NAA25: variants seen among roughly 807,000 people sequenced by gnomAD.
NAA25 encodes the protein N-alpha-acetyltransferase 25, NatB auxiliary subunit, also known as N-terminal acetyltransferase B complex subunit NAA25.
NAA25 carries 30 observed loss-of-function variants against 132.5 expected under a neutral mutation model. That is an observed-to-expected ratio of 0.23 (90% CI 0.17 to 0.31). The LOEUF is 0.31. Among genes scored for constraint, NAA25 ranks in the 10% least tolerant of loss-of-function variants. The probability of loss-of-function intolerance (pLI) is 1.00; values close to 1 mark genes in which losing one functional copy is unlikely to be tolerated. For synonymous variants in NAA25, 359 were observed against 401.9 expected (o/e 0.89, Z 1.28); for missense variants, 771 against 1,150.4 (o/e 0.67, Z 4.77).
At chr12:112,106,224 T>C (rs2079359853) in intron 1 of NAA25, among the ~76,000 whole-genome samples, 1 of 152,186 alleles carries the variant, frequency 6.6e-6, no homozygotes, top group Admixed American at 6.5e-5. Context: ...ATATAACTTG[T>C]TAATATATCC....
chr12:112,031,437 C>A (rs2078148713), intron 23 of NAA25, among the ~76,000 whole-genome samples: 1 of 152,308 alleles, frequency 6.6e-6, no homozygotes, highest in South Asian at 2.1e-4. Context: ...TTAATCCTTG[C>A]CATAATCCTA....
chr12:112,033,599 A>T (rs376055729), intron 22 of NAA25: 4 of 205,586 alleles, frequency 1.9e-5, no homozygotes, highest in Non-Finnish European at 2.9e-5. Flanking sequence ...ATACTTAAAT[A>T]AAAAAAAATC....
intron 15 of NAA25, among the ~76,000 whole-genome samples, chr12:112,051,980 C>G (rs1184504921): frequency 6.6e-6 from 1 of 152,150 alleles, no homozygotes; most frequent in African/African-American, 2.4e-5. Flanking sequence ...GGAAAACCAG[C>G]CACCGGGCTG....
chr12:112,054,425 T>C lies in NAA25; in HGVS notation c.1591A>G (p.Ser531Gly), dbSNP rs1361828552. Residue 531 changes from serine to glycine, a missense_variant, in exon 14 of 24, where the codon AGC becomes GGC. By Grantham distance (56) the Ser-to-Gly change is moderately conservative (BLOSUM62 0). Coordinates refer to ENST00000261745, the MANE Select transcript of NAA25 (RefSeq NM_024953.4). ...AFEPVVDLYSSLDAKHIQHDT... is the reference protein window; with the variant it reads ...AFEPVVDLYSGLDAKHIQHDT... ...TGCTGGATATGCTTAGCATCGAGGC[T>C]GGAGTAAAGATCCACCACTGGTTCA... 1 of 1,614,162 alleles carries C rather than the reference T, an allele frequency of 6.2e-7. No individual in the cohort carries two copies.
chr12:112,097,884 G>C (rs933942708), intron 1 of NAA25, among the ~76,000 whole-genome samples: 1 of 151,890 alleles, frequency 6.6e-6, no homozygotes, highest in African/African-American at 2.4e-5. Context: ...TTGGGAGGCA[G>C]AGGCAGACAG....
chr12:112,048,268 T>C lies in NAA25; in HGVS notation c.1880+24A>G, dbSNP rs745719299. 14 of 1,604,718 alleles carry C rather than the reference T, an allele frequency of 8.7e-6. 1 individual carries two copies. The African/African-American group carries it at 1.2e-4, about 14-fold the overall frequency. ...CAACTGATCTAATCCCTTAGTTCCT[T>C]TATAGCTCTCATGCAATACTTACAT... On this transcript the variant is annotated intron_variant, in intron 16 of 23. Transcript: ENST00000261745.
At chr12:112,086,073 T>TATATATATATACACACACACAC (rs759148501) in intron 4 of NAA25, among the ~76,000 whole-genome samples, 7 of 53,988 alleles carry the variant, frequency 1.3e-4, no homozygotes, top group African/African-American at 6.0e-4. Flanking sequence ...TATATATATA[T>TATATATATATACACACACACAC]ACACACACAC....
chr12:112,106,407 T>C lies in NAA25; in HGVS notation c.58+2309A>G, dbSNP rs2079362229. On this transcript the variant is annotated intron_variant, in intron 1 of 23. Transcript: ENST00000261745. ...TTTTTAGTTTAAAAAAAAAAAAGTC[T>C]GCAGGCAGCTGCTGCACAAAGCTGT... Among the ~76,000 whole-genome samples the C allele has an allele frequency of 2.0e-5, 3 of 151,398 alleles. No individual in the cohort carries two copies. The South Asian group carries it at 6.2e-4, about 31-fold the overall frequency.
chr12:112,085,513 C>A (rs753289311), intron 4 of NAA25, among the ~76,000 whole-genome samples: 5 of 152,040 alleles, frequency 3.3e-5, no homozygotes, highest in Admixed American at 6.6e-5. Flanking sequence ...ATACTAGGAA[C>A]ATCTTTATAT....
At chr12:112,099,002 T>G (rs2079254442) in intron 1 of NAA25, among the ~76,000 whole-genome samples, 1 of 151,966 alleles carries the variant, frequency 6.6e-6, no homozygotes, top group African/African-American at 2.4e-5. Context: ...TTTTTTTTTT[T>G]TTGGAGACAG....
chr12:112,068,756 G>A, intron 11 of NAA25, 124 bp downstream of exon 11: 1 of 587,456 alleles, frequency 1.7e-6, no homozygotes, highest in Non-Finnish European at 3.0e-6. Context: ...GCTTGACAGG[G>A]CAGTTATCAT....
intron 1 of NAA25, among the ~76,000 whole-genome samples, chr12:112,099,008 G>A (rs2079254611): frequency 6.7e-6 from 1 of 149,224 alleles, no homozygotes; most frequent in African/African-American, 2.5e-5. Flanking sequence ...TTTTTTTGGA[G>A]ACAGAGTCTC....
At chr12:112,093,282 G>T in intron 1 of NAA25, 146 bp from the exon 2 acceptor site, 1 of 517,770 alleles carries the variant, frequency 1.9e-6, no homozygotes, top group Non-Finnish European at 3.5e-6. Flanking sequence ...GCTTACACCT[G>T]TAATCCCAGC....
intron 17 of NAA25, 62 bp downstream of exon 17, chr12:112,047,603 C>G: frequency 6.3e-7 from 1 of 1,585,544 alleles, no homozygotes; most frequent in Non-Finnish European, 8.6e-7. Context: ...ATCTTGGTCT[C>G]TTTAAAAAAA....
At chr12:112,095,070 A>G (rs964385424) in intron 1 of NAA25, among the ~76,000 whole-genome samples, 4 of 152,134 alleles carry the variant, frequency 2.6e-5, no homozygotes, top group Non-Finnish European at 5.9e-5. Flanking sequence ...GGAAGGCTGA[A>G]GCGGGAGGAT....
At chr12:112,102,905 G>A (rs1344657737) in intron 1 of NAA25, among the ~76,000 whole-genome samples, 3 of 152,188 alleles carry the variant, frequency 2.0e-5, no homozygotes, top group East Asian at 3.9e-4. Flanking sequence ...GGTGAGACTC[G>A]TCTCAAACTC....
intron 11 of NAA25, among the ~76,000 whole-genome samples, chr12:112,067,939 T>TA (rs758368630): frequency 5.3e-5 from 8 of 151,962 alleles, no homozygotes; most frequent in Non-Finnish European, 7.4e-5. Context: ...GTTTCACCAT[T>TA]ATTGGCCAGG....
intron 13 of NAA25, 99 bp from the exon 14 acceptor site, chr12:112,054,667 A>T: frequency 9.2e-7 from 1 of 1,081,820 alleles, no homozygotes; most frequent in Non-Finnish European, 1.3e-6. Flanking sequence ...ACCCCCCCCA[A>T]TAAATGAAGT....
At chr12:112,099,887 C>G (rs549845911) in intron 1 of NAA25, among the ~76,000 whole-genome samples, 6 of 152,230 alleles carry the variant, frequency 3.9e-5, no homozygotes, top group African/African-American at 1.4e-4. Context: ...TCAGTTTCCA[C>G]TTCCTACAAG....
Sources: gnomAD v4.1 joint callset for allele counts (sites outside exome capture counted in the v4.1 genomes callset) on GRCh38, gnomAD v4.1.1 for gene constraint, MANE v1.5 for transcripts, NCBI Gene and HGNC (gene_info 2026-07-23, HGNC 2026-07-21) for gene names.